The following PPL variants were observed in gnomAD, a reference collection of about 807,000 sequenced individuals.
PPL encodes 190 kDa paraneoplastic pemphigus antigen.
PPL carries 198 observed loss-of-function variants against 194.4 expected under a neutral mutation model. The observed-to-expected ratio is 1.02, with a 90% CI of 0.91 to 1.15. The LOEUF is 1.15. PPL is among the 50% of genes most tolerant of loss of function. PPL has a pLI of 0.00. For synonymous variants in PPL, 1,220 were observed against 972.4 expected (o/e 1.25, Z -4.74); for missense variants, 2,885 against 2,294.8 (o/e 1.26, Z -5.25).
chr16:4,917,158 A>C (rs2088937173), intron 1 of PPL, among the ~76,000 whole-genome samples: 1 of 152,064 alleles, frequency 6.6e-6, no homozygotes, highest in South Asian at 2.1e-4. Flanking sequence ...AAAAACAAAA[A>C]CAAAAAAACA....
At chr16:4,891,571 A>G (rs1009920393) in intron 16 of PPL, 3 of 477,590 alleles carry the variant, frequency 6.3e-6, no homozygotes, top group African/African-American at 4.0e-5. Flanking sequence ...GTGCCACTAC[A>G]CTGGCTATTG....
At chr16:4,887,299 G>C in intron 20 of PPL, 72 bp from the exon 21 acceptor site, 1 of 1,125,250 alleles carries the variant, frequency 8.9e-7, no homozygotes, top group Non-Finnish European at 1.3e-6. Context: ...GAGCTAGACA[G>C]CGTGGACGTG....
In PPL at chr16:4,885,278, G is replaced by A. The variant is rs771362232; in HGVS notation, c.3377C>T (p.Thr1126Ile). Residue 1126 changes from threonine (T) to isoleucine (I), a missense_variant, in exon 22 of 22, where the codon ACC becomes ATC. By Grantham distance (89) the Thr-to-Ile change is moderately conservative (BLOSUM62 -1). Coordinates refer to ENST00000345988, the MANE Select transcript of PPL (RefSeq NM_002705.5). The surrounding 1 kb of genome is among the most constrained non-coding windows in gnomAD (Gnocchi z 6.3). The part of the protein sequence containing the change: ...EVLKVEKDAA[T>I]EREVSDLTRQ... ...GGTGAGATCGCTGACCTCCCTCTCG[G>A]TGGCCGCGTCCTTCTCCACCTTGAG... The A allele has an allele frequency of 2.2e-5, 35 of 1,611,650 alleles. No homozygotes were observed. Among genetic ancestry groups the A allele is most frequent in the Admixed American group, 3.3e-5 (2 of 59,978 alleles).
In PPL at chr16:4,884,248, C is replaced by T; in HGVS notation, c.4407G>A (p.Glu1469=). 6.2e-7 allele frequency: 1 copy of T among 1,613,298 alleles called. No homozygotes were observed. Residue 1469 remains glutamate, a synonymous_variant, in exon 22 of 22, where the codon GAG becomes GAA. Coordinates refer to ENST00000345988, the MANE Select transcript of PPL (RefSeq NM_002705.5). The surrounding 1 kb of genome is among the most constrained non-coding windows in gnomAD (Gnocchi z 5.7). ...CCTCCAGGAGCTGCCGCCGGTGCTG[C>T]TCTTCTTCCAGCTGGAGTCGGAGCA... ...HALLRLQLEE[E]QHRRQLLEGE...
intron 11 of PPL, among the ~76,000 whole-genome samples, 197 bp from the exon 12 acceptor site, chr16:4,894,815 C>T (rs2088389527): frequency 6.6e-6 from 1 of 152,204 alleles, no homozygotes; most frequent in Admixed American, 6.5e-5. Flanking sequence ...CTCCATTTCC[C>T]TTTGGGGAAC....
At position 4,883,741 on chromosome 16, in the gene PPL, C is replaced by G; in HGVS notation, c.4914G>C (p.Lys1638Asn). ...GCTTGACGGCCACGGAGCCCAGGCG[C>G]TTCTGCAGCTCGTCGATCTCGAGGT... ...DKDLEIDELQKRLGSVAVKRE... is the reference protein window; with the variant it reads ...DKDLEIDELQNRLGSVAVKRE... The change falls in exon 22 of 22, where the codon AAG becomes AAC. Residue 1638 changes from lysine to asparagine, a missense_variant. Coordinates refer to ENST00000345988, the MANE Select transcript of PPL (RefSeq NM_002705.5). This position sits in a 1 kb window ranked among gnomAD's most constrained non-coding sequence, Gnocchi z 4.8. 1 of 1,614,086 alleles carries G rather than the reference C, an allele frequency of 6.2e-7. No homozygotes were observed. The highest frequency in any genetic ancestry group is 1.1e-5 in the South Asian group (1 of 91,086).
chr16:4,908,599 G>A (rs1369405124), intron 2 of PPL, among the ~76,000 whole-genome samples: 2 of 152,130 alleles, frequency 1.3e-5, no homozygotes, highest in Non-Finnish European at 2.9e-5. Flanking sequence ...GTGCAGTGGT[G>A]TCATCTCTGC....
At chr16:4,923,796 G>T (rs1214110626) in intron 1 of PPL, among the ~76,000 whole-genome samples, 1 of 152,118 alleles carries the variant, frequency 6.6e-6, no homozygotes, top group Non-Finnish European at 1.5e-5. Flanking sequence ...CCTTATAAAT[G>T]AAAGCGCTTT....
intron 1 of PPL, among the ~76,000 whole-genome samples, chr16:4,925,688 G>A (rs1240018240): frequency 1.3e-5 from 2 of 152,192 alleles, no homozygotes; most frequent in Admixed American, 1.3e-4. Context: ...GAAGATAACT[G>A]AGGCTCACAG....
At chr16:4,932,709 C>G (rs959614447) in intron 1 of PPL, among the ~76,000 whole-genome samples, 1 of 152,160 alleles carries the variant, frequency 6.6e-6, no homozygotes, top group Non-Finnish European at 1.5e-5. Flanking sequence ...TGAGCTACCG[C>G]GCCCAGCCCG....
intron 1 of PPL, among the ~76,000 whole-genome samples, chr16:4,920,353 A>G (rs1317773414): frequency 1.4e-5 from 1 of 70,710 alleles, no homozygotes; most frequent in Admixed American, 1.5e-4. Context: ...GAGAGAAAGA[A>G]AGAAAGAAAG....
chr16:4,928,754 T>G (rs140236671), intron 1 of PPL, among the ~76,000 whole-genome samples: 10,586 of 152,190 alleles, frequency 0.07, 500 homozygotes, highest in African/African-American at 0.13. Context: ...CTCATGCCTG[T>G]AATCCCAGCA....
chr16:4,890,803 T>A lies in PPL; in HGVS notation c.2087A>T (p.Asp696Val), dbSNP rs1337193665. 5 of 1,603,494 alleles carry A rather than the reference T, an allele frequency of 3.1e-6. No homozygotes were observed. The Admixed American group carries it at 8.5e-5, about 27-fold the overall frequency. ...CACCTCGGCCTCCTGGCGCTCCAGG[T>A]CCGGACAGTGCTCCTGGAAGCGGCT... ...LASRFQEHCP[D>V]LERQEAEVHK... Residue 696 changes from aspartate (D) to valine (V), a missense_variant, in exon 17 of 22, where the codon GAC becomes GTC. Coordinates refer to ENST00000345988, the MANE Select transcript of PPL (RefSeq NM_002705.5).
chr16:4,892,804 T>G (rs1010675782), intron 14 of PPL: 1 of 172,028 alleles, frequency 5.8e-6, no homozygotes, highest in Non-Finnish European at 1.2e-5. Flanking sequence ...ACGTCCCCCC[T>G]GGCATCAGCT....
Position 4,902,397 on chromosome 16 carries a change from A to G in PPL, c.438+9T>C, listed in dbSNP as rs140303917. 1.1e-5 allele frequency: 17 copies of G among 1,613,654 alleles called. No individual in the cohort carries two copies. The African/African-American group carries it at 2.3e-4, about 22-fold the overall frequency. ...AACCCTGGAGCCAGCGGCCCCGTCC[A>G]GGCCATACCAGCTTCTCCTCCACCA... On this transcript the variant is annotated intron_variant, in intron 4 of 21. Coordinates refer to ENST00000345988, the MANE Select transcript of PPL (RefSeq NM_002705.5). This position sits in a 1 kb window ranked among gnomAD's most constrained non-coding sequence, Gnocchi z 4.0.
chr16:4,924,059 A>G (rs980025884), intron 1 of PPL, among the ~76,000 whole-genome samples: 46 of 152,214 alleles, frequency 3.0e-4, no homozygotes, highest in African/African-American at 1.1e-3. Context: ...AAGACACTCA[A>G]CAGCTGGAAA....
chr16:4,894,642 C>G (rs2088385583), intron 11 of PPL, 24 bp from the exon 12 acceptor site: 1 of 1,607,872 alleles, frequency 6.2e-7, no homozygotes, highest in Non-Finnish European at 8.5e-7. Flanking sequence ...GCTGGACAGT[C>G]AGGATCCCGG....
intron 1 of PPL, among the ~76,000 whole-genome samples, chr16:4,922,349 C>T (rs966513391): frequency 6.6e-6 from 1 of 152,086 alleles, no homozygotes; most frequent in African/African-American, 2.4e-5. Context: ...GATTTAGGCT[C>T]CTTTTAAGGA....
Position 4,902,347 on chromosome 16 carries a change from C to A in PPL, c.438+59G>T. 6.2e-7 allele frequency: 1 copy of A among 1,601,442 alleles called. No homozygotes were observed. Among genetic ancestry groups the A allele is most frequent in the Non-Finnish European group, 8.5e-7 (1 of 1,173,382 alleles). On this transcript the variant is annotated intron_variant, in intron 4 of 21. Coordinates refer to ENST00000345988, the MANE Select transcript of PPL (RefSeq NM_002705.5). This position sits in a 1 kb window ranked among gnomAD's most constrained non-coding sequence, Gnocchi z 4.0. Reference sequence around the variant, plus strand: ...ATTACATGGGTAGGCTCTCCCTGCACACGCACAGCCCCCTCCCCAGCTGAA... The same window carrying A: ...ATTACATGGGTAGGCTCTCCCTGCAAACGCACAGCCCCCTCCCCAGCTGAA...
Sources: gnomAD v4.1 joint callset for allele counts (sites outside exome capture counted in the v4.1 genomes callset) on GRCh38, gnomAD v4.1.1 for gene constraint, Gnocchi (gnomAD v3.1) non-coding constraint, MANE v1.5 for transcripts, NCBI Gene and HGNC (gene_info 2026-07-23, HGNC 2026-07-21) for gene names.